The following SUN2 variants were observed in gnomAD, a reference collection of about 807,000 sequenced individuals.
The protein encoded by SUN2 is Sad1 and UNC84 domain containing 2.
In SUN2, 60 loss-of-function variants were observed where a neutral mutation model predicts 100.0. The ratio of observed to expected loss-of-function variants is 0.60; its 90% confidence interval spans 0.49 to 0.74. The LOEUF is 0.74. Ranked by LOEUF, SUN2 falls within the 30% of genes least tolerant of loss-of-function variation. SUN2 has a pLI of 0.00. For synonymous variants in SUN2, 367 were observed against 403.3 expected (o/e 0.91, Z 1.08); for missense variants, 834 against 954.6 (o/e 0.87, Z 1.66).
rs2145942062 is a variant in SUN2 at position 38,739,125 on chromosome 22, C to T, written c.1664-137G>A. 4.0e-6 allele frequency: 4 copies of T among 992,404 alleles called. No individual in the cohort carries two copies. In the East Asian group the frequency reaches 7.8e-5, roughly 19 times the overall value. 61.5% of individuals were successfully genotyped at this position (992,404 alleles called of 1,614,324 possible). On this transcript the variant is annotated intron_variant, in intron 14 of 17. Transcript: ENST00000689035. This position sits in a 1 kb window ranked among gnomAD's most constrained non-coding sequence, Gnocchi z 6.7. ...TTAACCCTAACCGAGATGCTCAGAG[C>T]AGCTTTAAAGGTCAGCCTCTCCCTG...
In SUN2 at chr22:38,738,785, G is replaced by A. The variant is rs186926830; in HGVS notation, c.1780-31C>T. 6.2e-7 allele frequency: 1 copy of A among 1,608,482 alleles called. No homozygotes were observed. Among genetic ancestry groups the A allele is most frequent in the African/African-American group, 1.3e-5 (1 of 74,950 alleles). ...GGAGCAGAAAGTCATGTCAGGACAG[G>A]GCCCTGAGTCCAGCTCTTGCTGACC... On this transcript the variant is annotated intron_variant, in intron 15 of 17. Transcript: ENST00000689035. The surrounding 1 kb of genome is among the most constrained non-coding windows in gnomAD (Gnocchi z 6.6).
rs1156398344 is a variant in SUN2, at chr22:38,735,352, T to C, written c.*915A>G. 4.9e-6 allele frequency: 2 copies of C among 408,896 alleles called. No homozygotes were observed. The highest frequency in any genetic ancestry group is 6.0e-5 in the Admixed American group (2 of 33,402). The allele number at this position is 408,896 out of a possible 1,614,324, so 25.3% of individuals were successfully genotyped here. ...GGTGCAGACAGACCTCGCACCCCGA[T>C]ACCCTGAACGTCCCCACAAGAGCCC... is the stretch of plus-strand genomic sequence containing the variant. On this transcript the variant is annotated 3_prime_UTR_variant, in exon 18 of 18. Coordinates refer to ENST00000689035, the MANE Select transcript of SUN2 (RefSeq NM_015374.3).
chr22:38,746,488 C>T (rs2092904377), intron 7 of SUN2, among the ~76,000 whole-genome samples: 1 of 152,202 alleles, frequency 6.6e-6, no homozygotes, highest in African/African-American at 2.4e-5. Flanking sequence ...GCTCCATTCG[C>T]TACTCAAGCA....
intron 17 of SUN2, chr22:38,736,786 C>G (rs970531582): frequency 1.2e-5 from 2 of 165,382 alleles, no homozygotes; most frequent in Admixed American, 1.2e-4. Context: ...TGGGCAGATG[C>G]CACAGGCCTA....
At position 38,751,107 on chromosome 22, in the gene SUN2, G is replaced by A. The variant is rs766052684; in HGVS notation, c.287-72C>T. 3.1e-6 allele frequency: 5 copies of A among 1,609,948 alleles called. No homozygotes were observed. The East Asian group carries it at 1.1e-4, about 36-fold the overall frequency. Reference sequence around the variant, plus strand: ...TGAAAAGTGGGGTCTGGGCAGAGAGGTGCTCTGAGGAGGGAATCCCGGGGA... The same window carrying A: ...TGAAAAGTGGGGTCTGGGCAGAGAGATGCTCTGAGGAGGGAATCCCGGGGA... On this transcript the variant is annotated intron_variant, in intron 3 of 17. Coordinates refer to ENST00000689035, the MANE Select transcript of SUN2 (RefSeq NM_015374.3).
Position 38,735,992 on chromosome 22 carries a change from G to C in SUN2, c.*275C>G. 1 of 356,384 alleles carries C rather than the reference G, an allele frequency of 2.8e-6. No homozygotes were observed. Among genetic ancestry groups the C allele is most frequent in the Non-Finnish European group, 5.5e-6 (1 of 180,596 alleles). The allele number at this position is 356,384 out of a possible 1,614,324, so 22.1% of individuals were successfully genotyped here. A position where few individuals can be genotyped will look rare whatever the true frequency, so the allele number is the denominator to read the frequency against. ...AGGTCCTACCTCTCCCAACTTCCCA[G>C]TCCCCCATGATATGCTACATATATA... On this transcript the variant is annotated 3_prime_UTR_variant, in exon 18 of 18. Transcript: ENST00000689035.
At chr22:38,753,444 G>C (rs1033014489) in intron 1 of SUN2, among the ~76,000 whole-genome samples, 10 of 152,076 alleles carry the variant, frequency 6.6e-5, no homozygotes, top group African/African-American at 2.2e-4. Flanking sequence ...TCGAACTCCT[G>C]ACCTCAGGTG....
intron 8 of SUN2, among the ~76,000 whole-genome samples, 180 bp downstream of exon 8, chr22:38,745,504 C>T (rs1353545592): frequency 6.6e-6 from 1 of 152,206 alleles, no homozygotes; most frequent in African/African-American, 2.4e-5. Context: ...AGGAACAAAG[C>T]AGACAAGATA....
chr22:38,734,988 C>T lies in SUN2; in HGVS notation c.*1279G>A. The T allele has an allele frequency of 6.8e-6, 2 of 294,960 alleles. No individual in the cohort carries two copies. The highest frequency in any genetic ancestry group is 1.3e-5 in the Non-Finnish European group (2 of 149,550). 18.3% of individuals were successfully genotyped at this position (294,960 alleles called of 1,614,324 possible). A position where few individuals can be genotyped will look rare whatever the true frequency, so the allele number is the denominator to read the frequency against. Reference sequence around the variant, plus strand: ...GCCAGACCACCAGACACAGCCGGAACCAGTGCCCCAGGCCCCTCTCCACGG... The same window carrying T: ...GCCAGACCACCAGACACAGCCGGAATCAGTGCCCCAGGCCCCTCTCCACGG... On this transcript the variant is annotated 3_prime_UTR_variant, in exon 18 of 18. Transcript: ENST00000689035.
At chr22:38,736,743 G>A (rs138703) in intron 17 of SUN2, 79,336 of 180,478 alleles carry the variant, frequency 0.44, 19,526 homozygotes, top group African/African-American at 0.7. Flanking sequence ...TCTAGCCACA[G>A]TGTTGGGAAT....
Position 38,738,508 on chromosome 22 carries a change from C to T in SUN2, c.1947+79G>A. ...CCCCTCCCTTCCAGTCCAAGGGTGACCCTGACTTGATCCTCAGTAGAGAGG... is the reference window on the plus strand; with the variant it reads ...CCCCTCCCTTCCAGTCCAAGGGTGATCCTGACTTGATCCTCAGTAGAGAGG... On this transcript the variant is annotated intron_variant, in intron 16 of 17. Coordinates refer to ENST00000689035, the MANE Select transcript of SUN2 (RefSeq NM_015374.3). The surrounding 1 kb of genome is among the most constrained non-coding windows in gnomAD (Gnocchi z 6.6). 1 of 1,549,158 alleles carries T rather than the reference C, an allele frequency of 6.5e-7. No homozygotes were observed. Among genetic ancestry groups the T allele is most frequent in the South Asian group, 1.2e-5 (1 of 83,710 alleles).
chr22:38,742,720 G>A (rs2092870391), intron 8 of SUN2, 165 bp from the exon 9 acceptor site: 8 of 855,986 alleles, frequency 9.3e-6, no homozygotes, highest in South Asian at 3.7e-5. Context: ...AGGGGCTGCC[G>A]ACCTCTGAGC....
chr22:38,741,029 G>T lies in SUN2; in HGVS notation c.1168C>A (p.Gln390Lys). Residue 390 changes from glutamine to lysine, a missense_variant, in exon 11 of 18, where the codon CAG becomes AAG. By Grantham distance (53) the Gln-to-Lys change is moderately conservative. Coordinates refer to ENST00000689035, the MANE Select transcript of SUN2 (RefSeq NM_015374.3). ...ASQESEARIQ[Q>K]LKSEWQSMTQ... ...TACCTTTGCCACTCTGACTTCAGCT[G>T]CTGGATGCGAGCCTCGGACTCCTGT... The T allele has an allele frequency of 6.3e-7, 1 of 1,598,458 alleles. No individual in the cohort carries two copies. Among genetic ancestry groups the T allele is most frequent in the Admixed American group, 1.7e-5 (1 of 57,890 alleles).
At chr22:38,747,033 C>T (rs931681080) in intron 7 of SUN2, among the ~76,000 whole-genome samples, 1 of 145,892 alleles carries the variant, frequency 6.9e-6, no homozygotes, top group Non-Finnish European at 1.5e-5. Context: ...ATCACACACA[C>T]ACAAAAAAGA....
rs757774303 is a variant in SUN2 at position 38,740,333 on chromosome 22, C to A, written c.1290G>T (p.Leu430=). 1.4e-5 allele frequency: 22 copies of A among 1,597,530 alleles called. No homozygotes were observed. Among genetic ancestry groups the A allele is most frequent in the Non-Finnish European group, 1.5e-5 (18 of 1,173,000 alleles). Residue 430 remains leucine, a synonymous_variant, in exon 12 of 18, where the codon CTG becomes CTT. Transcript: ENST00000689035. This position sits in a 1 kb window ranked among gnomAD's most constrained non-coding sequence, Gnocchi z 4.8. ...GLQQELAALA[L]KQSSVAEEVG... ...CTTCTTCCGCCACCGAGCTCTGCTT[C>A]AGTGCCAGAGCCGCCAGCTCCTGCT...
In SUN2 at chr22:38,742,404, C is replaced by T. The variant is rs913212748; in HGVS notation, c.965G>A (p.Gly322Asp). The change falls in exon 9 of 18, where the codon GGC (glycine) becomes GAC (aspartate). Residue 322 changes from glycine (G) to aspartate (D), a missense_variant. Physicochemically the swap from Gly to Asp is moderately conservative, Grantham distance 94 (BLOSUM62 -1). Around this residue, in one of 3 missense-constraint regions of SUN2, gnomAD observed 559 missense variants for 597.7 expected, o/e 0.94. Transcript: ENST00000689035. The stretch of plus-strand genomic sequence containing the variant: ...CGCCAGGGTGTCCTCGTGGCTCAGG[C>T]CACCACCACCTCCCTGGCCAGGAGC... The part of the protein sequence containing the change: ...QGAPGQGGGG[G>D]LSHEDTLALL... 5.6e-6 allele frequency: 9 copies of T among 1,613,216 alleles called. No individual in the cohort carries two copies. The highest frequency in any genetic ancestry group is 7.6e-6 in the Non-Finnish European group (9 of 1,179,978).
In SUN2 at chr22:38,736,185, C is replaced by T. The variant is rs763220478; in HGVS notation, c.*82G>A. ...TCTCTTGTGCTCCTAGAAGTCAGAG[C>T]GCCGAGCAAGCGTGTGGGGGAAGCG... On this transcript the variant is annotated 3_prime_UTR_variant, in exon 18 of 18. Transcript: ENST00000689035. 5 of 1,320,284 alleles carry T rather than the reference C, an allele frequency of 3.8e-6. No individual in the cohort carries two copies. Among genetic ancestry groups the T allele is most frequent in the South Asian group, 2.4e-5 (2 of 82,990 alleles). 81.8% of individuals were successfully genotyped at this position (1,320,284 alleles called of 1,614,324 possible). A position where few individuals can be genotyped will look rare whatever the true frequency, so the allele number is the denominator to read the frequency against.
chr22:38,738,576 C>G lies in SUN2; in HGVS notation c.1947+11G>C. 1 of 1,611,054 alleles carries G rather than the reference C, an allele frequency of 6.2e-7. No individual in the cohort carries two copies. The highest frequency in any genetic ancestry group is 8.5e-7 in the Non-Finnish European group (1 of 1,177,988). ...CAGCCCCTCTGGCCCCACCACAGGA[C>G]AGATACTCACAAAGATGGCGAAGTC... On this transcript the variant is annotated intron_variant, in intron 16 of 17. Coordinates refer to ENST00000689035, the MANE Select transcript of SUN2 (RefSeq NM_015374.3). The surrounding 1 kb of genome is among the most constrained non-coding windows in gnomAD (Gnocchi z 6.6).
intron 7 of SUN2, among the ~76,000 whole-genome samples, chr22:38,747,665 G>A (rs1382196660): frequency 6.6e-6 from 1 of 152,210 alleles, no homozygotes; most frequent in African/African-American, 2.4e-5. Flanking sequence ...AGGAAGGGCT[G>A]GGTGCAGTGG....
Sources: gnomAD v4.1 joint callset for allele counts (sites outside exome capture counted in the v4.1 genomes callset) on GRCh38, gnomAD v4.1.1 for gene constraint, gnomAD v4.1.1 regional missense constraint, Gnocchi (gnomAD v3.1) non-coding constraint, MANE v1.5 for transcripts, NCBI Gene and HGNC (gene_info 2026-07-23, HGNC 2026-07-21) for gene names.